ADAMTSL1: variants seen among roughly 807,000 people sequenced by gnomAD.
The protein encoded by ADAMTSL1 is ADAMTS like 1.
Under a neutral mutation model 201.8 loss-of-function variants are expected in ADAMTSL1, and 126 were observed. The ratio of observed to expected loss-of-function variants is 0.62; its 90% confidence interval spans 0.54 to 0.72. The LOEUF (loss-of-function observed/expected upper bound fraction) is 0.72. Among genes scored for constraint, ADAMTSL1 ranks in the 30% least tolerant of loss-of-function variants. The pLI, the probability that ADAMTSL1 is intolerant of heterozygous loss-of-function variation, is 0.00. For synonymous variants in ADAMTSL1, 1,121 were observed against 903.4 expected (o/e 1.24, Z -4.32); for missense variants, 2,679 against 2,277.8 (o/e 1.18, Z -3.59).
intron 2 of ADAMTSL1, among the ~76,000 whole-genome samples, chr9:18,465,932 G>T (rs1820988112): frequency 6.6e-6 from 1 of 151,252 alleles, no homozygotes; most frequent in Non-Finnish European, 1.5e-5. Context: ...TTTTTTTTTA[G>T]TAGAGATGGG....
chr9:18,481,606 A>G (rs1444335031), intron 1 of ADAMTSL1, among the ~76,000 whole-genome samples: 4 of 152,130 alleles, frequency 2.6e-5, no homozygotes, highest in African/African-American at 4.8e-5. Flanking sequence ...CATCTTGTAA[A>G]TAACTCTCTG....
chr9:18,315,666 G>A (rs1023389314), intron 2 of ADAMTSL1, among the ~76,000 whole-genome samples: 1 of 152,250 alleles, frequency 6.6e-6, no homozygotes, highest in East Asian at 1.9e-4. Context: ...ACTCGCGCTG[G>A]CCCACGAGCT....
chr9:18,516,348 G>A (rs1348695952), intron 2 of ADAMTSL1, among the ~76,000 whole-genome samples: 1 of 152,162 alleles, frequency 6.6e-6, no homozygotes, highest in Non-Finnish European at 1.5e-5. Context: ...CCTGGAGGCA[G>A]GAAGAATAAC....
intron 1 of ADAMTSL1, among the ~76,000 whole-genome samples, chr9:17,936,712 C>A (rs1827023522): frequency 6.6e-6 from 1 of 152,158 alleles, no homozygotes; most frequent in Non-Finnish European, 1.5e-5. Flanking sequence ...ACAGCAGGTA[C>A]CACCCCTGCT....
At position 18,086,249 on chromosome 9, in the gene ADAMTSL1, G is replaced by A. The variant is rs139235822; in HGVS notation, c.88-77613G>A. ...ACAAGATAGTCCAGACTGAAGGAAG[G>A]ACAGACCTCCCAGAGACAGGGACCA... On this transcript the variant is annotated intron_variant, in intron 1 of 29. Coordinates refer to the ADAMTSL1 transcript ENST00000680146. Among the ~76,000 whole-genome samples, 1,468 of 152,218 alleles carry A rather than the reference G, an allele frequency of 9.6e-3. 13 individuals are homozygous for A. Among genetic ancestry groups the A allele is most frequent in the Non-Finnish European group, 0.017 (1,123 of 68,002 alleles).
chr9:18,639,200 CTG>C, intron 6 of ADAMTSL1, 52 bp from the exon 7 acceptor site: 1 of 1,566,956 alleles, frequency 6.4e-7, no homozygotes, highest in Admixed American at 1.7e-5. Flanking sequence ...ATGTGCTTGC[CTG>C]TGGTTGCCCT....
At chr9:18,894,657 T>C (rs1441105372) in intron 26 of ADAMTSL1, among the ~76,000 whole-genome samples, 1 of 152,140 alleles carries the variant, frequency 6.6e-6, no homozygotes, top group African/African-American at 2.4e-5. Flanking sequence ...ATGGAATTGT[T>C]TGGGACATGT....
intron 2 of ADAMTSL1, among the ~76,000 whole-genome samples, chr9:18,413,590 AG>A (rs1818546820): frequency 6.6e-6 from 1 of 152,220 alleles, no homozygotes; most frequent in Admixed American, 6.5e-5. Flanking sequence ...ATAGCATTTT[AG>A]GTGTTTTCTA....
At chr9:18,731,910 C>A (rs1008295610) in intron 15 of ADAMTSL1, among the ~76,000 whole-genome samples, 1 of 152,166 alleles carries the variant, frequency 6.6e-6, no homozygotes, top group African/African-American at 2.4e-5. Context: ...TATCATCCAA[C>A]CACCTCCCAC....
In ADAMTSL1 at chr9:18,892,244, T is replaced by C. The variant is rs1260714128; in HGVS notation, c.4644-145T>C. 8.0e-6 allele frequency: 6 copies of C among 745,682 alleles called. No individual in the cohort carries two copies. The South Asian group carries it at 9.5e-5, about 12-fold the overall frequency. 46.2% of individuals were successfully genotyped at this position (745,682 alleles called of 1,614,324 possible). A position where few individuals can be genotyped will look rare whatever the true frequency, so the allele number is the denominator to read the frequency against. On this transcript the variant is annotated intron_variant, in intron 25 of 28. Transcript: ENST00000380548. ...CTTTTGGAGGAGTCATTTTTCAGCC[T>C]ATCAATCATCTTTCCAAGTAAATAC...
At chr9:18,262,691 C>G (rs1304057291) in intron 2 of ADAMTSL1, among the ~76,000 whole-genome samples, 1 of 152,114 alleles carries the variant, frequency 6.6e-6, no homozygotes, top group Non-Finnish European at 1.5e-5. Context: ...AAAAAATCCT[C>G]CAAAAATATT....
At chr9:17,946,278 C>T (rs574363451) in intron 1 of ADAMTSL1, among the ~76,000 whole-genome samples, 1 of 152,024 alleles carries the variant, frequency 6.6e-6, no homozygotes, top group South Asian at 2.1e-4. Flanking sequence ...GGATTACAGG[C>T]TTGAACCATC....
At position 18,337,081 on chromosome 9, in the gene ADAMTSL1, T is replaced by C. The variant is rs1380852693; in HGVS notation, c.208-167748T>C. Among the ~76,000 whole-genome samples, 4 of 152,174 alleles carry C rather than the reference T, an allele frequency of 2.6e-5. No homozygotes were observed. In the East Asian group the frequency reaches 7.7e-4, roughly 29 times the overall value. On this transcript the variant is annotated intron_variant, in intron 2 of 29. Transcript: ENST00000680146. ...TCTGTGAGGGTGTTGCCCAAGGAGATTAACACTTGAGTCAGTGGACTGGGA... is the reference window on the plus strand; with the variant it reads ...TCTGTGAGGGTGTTGCCCAAGGAGACTAACACTTGAGTCAGTGGACTGGGA...
chr9:18,598,796 C>G (rs1473146197), intron 4 of ADAMTSL1, among the ~76,000 whole-genome samples: 3 of 151,952 alleles, frequency 2.0e-5, no homozygotes, highest in Non-Finnish European at 4.4e-5. Context: ...TTTATAAATG[C>G]ACTTGAGTAC....
intron 2 of ADAMTSL1, among the ~76,000 whole-genome samples, chr9:18,184,493 G>A (rs1006661318): frequency 3.3e-5 from 5 of 152,162 alleles, no homozygotes; most frequent in Non-Finnish European, 5.9e-5. Flanking sequence ...ATGATAAGAG[G>A]ATAGGATTTT....
chr9:18,307,031 G>A (rs998819696), intron 2 of ADAMTSL1, among the ~76,000 whole-genome samples: 3 of 152,096 alleles, frequency 2.0e-5, no homozygotes, highest in Admixed American at 6.5e-5. Flanking sequence ...TAGAGTGGGG[G>A]CCAATATTCA....
At chr9:17,962,165 C>T (rs954106597) in intron 1 of ADAMTSL1, among the ~76,000 whole-genome samples, 4 of 152,132 alleles carry the variant, frequency 2.6e-5, no homozygotes, top group Non-Finnish European at 4.4e-5. Flanking sequence ...GACCTTCCCT[C>T]GGCTGACCAG....
chr9:18,468,218 C>T (rs1821079038), intron 2 of ADAMTSL1, among the ~76,000 whole-genome samples: 1 of 152,108 alleles, frequency 6.6e-6, no homozygotes, highest in Admixed American at 6.5e-5. Context: ...GCCATAACTT[C>T]AGCAATGTAG....
intron 18 of ADAMTSL1, among the ~76,000 whole-genome samples, chr9:18,776,507 T>G (rs1421967073): frequency 6.6e-6 from 1 of 152,220 alleles, no homozygotes; most frequent in East Asian, 1.9e-4. Context: ...GACATTGGGT[T>G]GCCCACTGCA....
Sources: allele counts gnomAD v4.1 joint callset (sites outside exome capture counted in the v4.1 genomes callset), GRCh38; gene constraint gnomAD v4.1.1; transcripts MANE v1.5; gene names NCBI Gene and HGNC (gene_info 2026-07-23, HGNC 2026-07-21).